Variants in ARHGEF17 observed in about 807,000 individuals in gnomAD.
ARHGEF17 encodes the protein 164 kDa Rho-specific guanine-nucleotide exchange factor.
ARHGEF17 carries 80 observed loss-of-function variants against 174.0 expected under a neutral mutation model. That is an observed-to-expected ratio of 0.46 (90% CI 0.38 to 0.55). The LOEUF is 0.55. ARHGEF17 is among the 20% of genes least tolerant of loss of function. The pLI is 0.00. For missense variants in ARHGEF17, 2,886 were observed against 2,839.7 expected (o/e 1.02, Z -0.37); for synonymous variants, 1,311 against 1,189.1 (o/e 1.10, Z -2.11).
At chr11:73,320,536 G>C (rs913863790) in intron 1 of ARHGEF17, among the ~76,000 whole-genome samples, 1 of 147,048 alleles carries the variant, frequency 6.8e-6, no homozygotes, top group South Asian at 2.1e-4. Context: ...TAAGAGAATT[G>C]CTTGAACCCT....
chr11:73,310,221 C>G lies in ARHGEF17; in HGVS notation c.1583C>G (p.Pro528Arg), dbSNP rs758440459. The G allele has an allele frequency of 1.2e-6, 2 of 1,614,050 alleles. No homozygotes were observed. Among genetic ancestry groups the G allele is most frequent in the Admixed American group, 1.7e-5 (1 of 60,028 alleles). Reference protein sequence around the residue: ...EPIPIPAPASPGTRPTLKDLT... With the variant: ...EPIPIPAPASRGTRPTLKDLT... ...ATACCCATCCCAGCCCCAGCATCAC[C>G]TGGCACGCGCCCCACACTCAAGGAC... Residue 528 changes from proline to arginine, a missense_variant, in exon 1 of 21, where the codon CCT becomes CGT. By Grantham distance (103) the Pro-to-Arg change is moderately radical. Around this residue, in one of 4 missense-constraint regions of ARHGEF17, gnomAD observed 1,728 missense variants for 1,461.2 expected, o/e 1.18. Transcript: ENST00000263674.
intron 3 of ARHGEF17, among the ~76,000 whole-genome samples, 181 bp from the exon 4 acceptor site, chr11:73,355,352 T>C (rs762977161): frequency 1.3e-5 from 2 of 152,230 alleles, no homozygotes; most frequent in Non-Finnish European, 2.9e-5. Context: ...TGTGTACACA[T>C]GCACATACGC....
At chr11:73,337,958 G>C (rs1865312528) in intron 1 of ARHGEF17, among the ~76,000 whole-genome samples, 1 of 152,182 alleles carries the variant, frequency 6.6e-6, no homozygotes, top group Non-Finnish European at 1.5e-5. Context: ...GGAAGATCCT[G>C]AGGCTCTAAG....
chr11:73,311,405 A>C lies in ARHGEF17; in HGVS notation c.2767A>C (p.Lys923Gln). The change falls in exon 1 of 21, where the codon AAG becomes CAG. Residue 923 changes from lysine (K) to glutamine (Q), a missense_variant. Physicochemically the swap from Lys to Gln is moderately conservative, Grantham distance 53. Around this residue, in one of 4 missense-constraint regions of ARHGEF17, gnomAD observed 1,728 missense variants for 1,461.2 expected, o/e 1.18. Transcript: ENST00000263674. ...CCCGAGGCTAATCCGCCGAGGCTCC[A>C]AGAAGCGCCCAGCTCGGAGTAGTCA... ...LSPRLIRRGS[K>Q]KRPARSSHQE... 6.2e-7 allele frequency: 1 copy of C among 1,613,338 alleles called. No homozygotes were observed. Among genetic ancestry groups the C allele is most frequent in the South Asian group, 1.1e-5 (1 of 91,086 alleles).
intron 1 of ARHGEF17, among the ~76,000 whole-genome samples, chr11:73,312,403 T>A (rs58352880): frequency 0.013 from 1,953 of 152,320 alleles, 45 homozygotes; most frequent in African/African-American, 0.045. Flanking sequence ...CTCAGGGTTC[T>A]AACTGCAGTT....
At chr11:73,363,512 G>A (rs1865784523) in intron 15 of ARHGEF17, 57 bp downstream of exon 15, 2 of 1,567,350 alleles carry the variant, frequency 1.3e-6, no homozygotes, top group East Asian at 4.5e-5. Flanking sequence ...TCCCTGCTCT[G>A]GAAATCATGT....
chr11:73,308,895 C>G lies in ARHGEF17; in HGVS notation c.257C>G (p.Ser86Cys). The G allele has an allele frequency of 7.3e-7, 1 of 1,365,344 alleles. No homozygotes were observed. The highest frequency in any genetic ancestry group is 1.5e-5 in the African/African-American group (1 of 65,314). 84.6% of individuals were successfully genotyped at this position (1,365,344 alleles called of 1,614,324 possible). ...CTCTCGCCGTCGGTTCGCCAGCTCT[C>G]CCGGCGCTTCGACGCGCCGCGTCTG... is the stretch of plus-strand genomic sequence containing the variant. ...RSLSPSVRQLSRRFDAPRLDD... is the reference protein window; with the variant it reads ...RSLSPSVRQLCRRFDAPRLDD... Residue 86 changes from serine to cysteine, a missense_variant, in exon 1 of 21, where the codon TCC becomes TGC. Around this residue, in one of 4 missense-constraint regions of ARHGEF17, gnomAD observed 1,728 missense variants for 1,461.2 expected, o/e 1.18. Transcript: ENST00000263674.
intron 1 of ARHGEF17, among the ~76,000 whole-genome samples, chr11:73,333,951 A>C (rs1406190713): frequency 6.6e-6 from 1 of 152,232 alleles, no homozygotes; most frequent in African/African-American, 2.4e-5. Context: ...TAAACTAATC[A>C]GTGCACATTA....
At position 73,362,635 on chromosome 11, in the gene ARHGEF17, G is replaced by C. The variant is rs922573686; in HGVS notation, c.4897G>C (p.Val1633Leu). 3 of 1,611,672 alleles carry C rather than the reference G, an allele frequency of 1.9e-6. No homozygotes were observed. Among genetic ancestry groups the C allele is most frequent in the Non-Finnish European group, 2.5e-6 (3 of 1,180,024 alleles). The change falls in exon 14 of 21, where the codon GTG becomes CTG. Residue 1633 changes from valine (V) to leucine (L), a missense_variant. By Grantham distance (32) the Val-to-Leu change is conservative. Transcript: ENST00000263674. Reference protein sequence around the residue: ...LGEGDPRPELVPFDSDSDDES... With the variant: ...LGEGDPRPELLPFDSDSDDES... ...CGAGGGTGACCCCCGCCCAGAGCTG[G>C]TGCCCTTTGACAGTGACTCTGACGA...
rs576341610 is a variant in ARHGEF17 at position 73,362,445 on chromosome 11, G to A, written c.4707G>A (p.Pro1569=). ...LQPRCHREPP[P]SLRSPPETAP... is the part of the protein sequence containing the mutation. ...CGTCTTCTCGCAGGGAGCCTCCTCCGTCGCTGAGGAGTCCTCCAGAGACGG... is the reference window on the plus strand; with the variant it reads ...CGTCTTCTCGCAGGGAGCCTCCTCCATCGCTGAGGAGTCCTCCAGAGACGG... The change falls in exon 14 of 21, where the codon CCG becomes CCA. Residue 1569 remains proline, a synonymous_variant. Coordinates refer to ENST00000263674, the MANE Select transcript of ARHGEF17 (RefSeq NM_014786.4). 61 of 1,565,346 alleles carry A rather than the reference G, an allele frequency of 3.9e-5. No homozygotes were observed. The highest frequency in any genetic ancestry group is 2.3e-4 in the East Asian group (10 of 44,122).
intron 1 of ARHGEF17, among the ~76,000 whole-genome samples, chr11:73,334,942 C>T (rs1004735301): frequency 6.6e-6 from 1 of 152,194 alleles, no homozygotes; most frequent in Admixed American, 6.5e-5. Flanking sequence ...CGGTGGTGGT[C>T]CTGGGCCACA....
Position 73,362,507 on chromosome 11 carries a change from C to G in ARHGEF17, c.4769C>G (p.Ala1590Gly). Residue 1590 changes from alanine (A) to glycine (G), a missense_variant, in exon 14 of 21, where the codon GCC becomes GGC. Physicochemically the swap from Ala to Gly is moderately conservative, Grantham distance 60. Around this residue, in one of 4 missense-constraint regions of ARHGEF17, gnomAD observed 476 missense variants for 473.1 expected, o/e 1.01. Transcript: ENST00000263674. ...GCCGGGCCGGAGCTGGACGTCGAGG[C>G]CGCTGCAGACGAGGAAGCCGCGACG... ...EPAGPELDVE[A>G]AADEEAATLA... 6.2e-7 allele frequency: 1 copy of G among 1,603,490 alleles called. No homozygotes were observed. The highest frequency in any genetic ancestry group is 8.5e-7 in the Non-Finnish European group (1 of 1,177,414).
At chr11:73,344,981 ACACCTGTGT>A (rs1177929851) in intron 1 of ARHGEF17, among the ~76,000 whole-genome samples, 1 of 152,150 alleles carries the variant, frequency 6.6e-6, no homozygotes, top group African/African-American at 2.4e-5. Context: ...GGAAATGGCA[ACACCTGTGT>A]CACAGAGCTG....
Position 73,356,260 on chromosome 11 carries a change from G to T in ARHGEF17, c.3749G>T (p.Arg1250Leu), listed in dbSNP as rs372501295. The T allele has an allele frequency of 1.9e-6, 3 of 1,613,828 alleles. No homozygotes were observed. Among genetic ancestry groups the T allele is most frequent in the Non-Finnish European group, 2.5e-6 (3 of 1,180,030 alleles). The change falls in exon 6 of 21, where the codon CGC becomes CTC. Residue 1250 changes from arginine to leucine, a missense_variant. Arg to Leu is a moderately radical substitution (Grantham distance 102). Around this residue, in one of 4 missense-constraint regions of ARHGEF17, gnomAD observed 353 missense variants for 470.3 expected, o/e 0.75. Transcript: ENST00000263674. ...AQRNIKQVAERINKGVRSAEE... is the reference protein window; with the variant it reads ...AQRNIKQVAELINKGVRSAEE... ...CGGAACATCAAGCAGGTGGCTGAGC[G>T]CATCAACAAGGGTGTGCGGAGTGCC...
chr11:73,326,655 G>T (rs183367429), intron 1 of ARHGEF17, among the ~76,000 whole-genome samples: 2 of 152,178 alleles, frequency 1.3e-5, no homozygotes, highest in African/African-American at 2.4e-5. Flanking sequence ...AGGAGGTAGA[G>T]GTTGCAGTGC....
intron 18 of ARHGEF17, chr11:73,364,836 C>T: frequency 1.9e-6 from 1 of 515,010 alleles, no homozygotes; most frequent in Non-Finnish European, 3.3e-6. Flanking sequence ...CATCCTCCTG[C>T]CCACCCTATC....
At chr11:73,352,707 G>A (rs1865574481) in intron 2 of ARHGEF17, 123 bp from the exon 3 acceptor site, 1 of 1,024,126 alleles carries the variant, frequency 9.8e-7, no homozygotes, top group African/African-American at 1.6e-5. Flanking sequence ...AGGGAGATGT[G>A]GAAGGCAGGG....
chr11:73,337,920 A>G (rs987591712), intron 1 of ARHGEF17, among the ~76,000 whole-genome samples: 3 of 152,120 alleles, frequency 2.0e-5, no homozygotes, highest in African/African-American at 4.8e-5. Flanking sequence ...ACACGCACCC[A>G]CCTAAGCAGG....
chr11:73,352,728 C>A, intron 2 of ARHGEF17, 102 bp from the exon 3 acceptor site: 1 of 1,326,316 alleles, frequency 7.5e-7, no homozygotes, highest in Non-Finnish European at 1.1e-6. Context: ...CGCTGAGCTG[C>A]AGGCCCGGGT....
Sources: gnomAD v4.1 joint callset for allele counts (sites outside exome capture counted in the v4.1 genomes callset) on GRCh38, gnomAD v4.1.1 for gene constraint, gnomAD v4.1.1 regional missense constraint, MANE v1.5 for transcripts, NCBI Gene and HGNC (gene_info 2026-07-23, HGNC 2026-07-21) for gene names.